Variants in TTLL7 observed in about 807,000 individuals in gnomAD.
TTLL7 encodes tubulin tyrosine ligase like 7, also known as tubulin polyglutamylase TTLL7.
A neutral mutation model predicts 120.2 loss-of-function variants in TTLL7; 53 were observed. The ratio of observed to expected loss-of-function variants is 0.44; its 90% CI spans 0.35 to 0.55. The LOEUF is 0.55. Among genes scored for constraint, TTLL7 ranks in the 20% least tolerant of loss-of-function variants. TTLL7 has a pLI of 0.00. For synonymous variants in TTLL7, 353 were observed against 351.7 expected (o/e 1.00, Z -0.04); for missense variants, 803 against 1,054.7 (o/e 0.76, Z 3.31).
intron 6 of TTLL7, among the ~76,000 whole-genome samples, 187 bp from the exon 7 acceptor site, chr1:83,942,866 G>C (rs75417963): frequency 0.024 from 3,659 of 152,242 alleles, 73 homozygotes; most frequent in African/African-American, 0.053. Flanking sequence ...CTAAGCAAAG[G>C]CTTGCAGCAA....
chr1:83,954,864 C>CAA (rs200599718), intron 1 of TTLL7, among the ~76,000 whole-genome samples: 13 of 94,532 alleles, frequency 1.4e-4, no homozygotes, highest in Non-Finnish European at 2.3e-4. Flanking sequence ...CTATCTAGTT[C>CAA]AAAAAAAAAA....
chr1:83,937,681 G>A (rs1364102982), intron 8 of TTLL7, among the ~76,000 whole-genome samples, 171 bp downstream of exon 8: 1 of 152,124 alleles, frequency 6.6e-6, no homozygotes, highest in Non-Finnish European at 1.5e-5. Flanking sequence ...AGAATGCATC[G>A]CTGTTGTTAG....
At chr1:83,998,823 C>T in intron 1 of TTLL7, 108 bp downstream of exon 1, 1 of 323,400 alleles carries the variant, frequency 3.1e-6, no homozygotes, top group South Asian at 2.2e-5. Flanking sequence ...GTCCCCAGAG[C>T]AGTGACAGTC....
chr1:83,924,093 T>G (rs1658908276), intron 10 of TTLL7, among the ~76,000 whole-genome samples: 1 of 152,152 alleles, frequency 6.6e-6, no homozygotes, highest in Non-Finnish European at 1.5e-5. Flanking sequence ...TACTCTCTAT[T>G]TGTTAATTCC....
chr1:83,885,130 G>A (rs979207399), intron 19 of TTLL7: 34 of 269,184 alleles, frequency 1.3e-4, no homozygotes, highest in Non-Finnish European at 1.8e-4. Context: ...TTTATAATTA[G>A]TATACTTTGA....
intron 1 of TTLL7, among the ~76,000 whole-genome samples, chr1:83,974,634 G>A (rs960698650): frequency 2.0e-5 from 3 of 151,914 alleles, no homozygotes; most frequent in Non-Finnish European, 2.9e-5. Flanking sequence ...TATGGCAGAC[G>A]CTATTTGTTG....
Position 83,952,291 on chromosome 1 carries a change from A to G in TTLL7, c.-80T>C. 6.8e-7 allele frequency: 1 copy of G among 1,476,854 alleles called. No individual in the cohort carries two copies. The highest frequency in any genetic ancestry group is 9.4e-7 in the Non-Finnish European group (1 of 1,064,798). 91.5% of individuals were successfully genotyped at this position (1,476,854 alleles called of 1,614,324 possible). A position where few individuals can be genotyped will look rare whatever the true frequency, so the allele number is the denominator to read the frequency against. ...AATCTGGAAATTCCACATTAGTCTAAGTAGGATATGGCCCCAAATCACTGA... is the reference window on the plus strand; with the variant it reads ...AATCTGGAAATTCCACATTAGTCTAGGTAGGATATGGCCCCAAATCACTGA... On this transcript the variant is annotated 5_prime_UTR_variant, in exon 2 of 21. Transcript: ENST00000260505.
chr1:83,934,285 A>T (rs1241700373), intron 8 of TTLL7, among the ~76,000 whole-genome samples: 4 of 152,216 alleles, frequency 2.6e-5, no homozygotes, highest in Non-Finnish European at 4.4e-5. Flanking sequence ...AACAAAGCTG[A>T]TAAATGTGGT....
At chr1:83,949,623 A>G in intron 4 of TTLL7, 1 of 415,546 alleles carries the variant, frequency 2.4e-6, no homozygotes, top group Non-Finnish European at 4.2e-6. Context: ...ACCACGCCCA[A>G]CCAGAAGAGG....
At position 83,965,989 on chromosome 1, in the gene TTLL7, A is replaced by C. The variant is rs77166088; in HGVS notation, c.-176-13602T>G. Among the ~76,000 whole-genome samples, 1,432 of 152,214 alleles carry C rather than the reference A, an allele frequency of 9.4e-3. 13 individuals carry two copies. Among genetic ancestry groups the C allele is most frequent in the Non-Finnish European group, 0.014 (962 of 67,998 alleles). On this transcript the variant is annotated intron_variant, in intron 1 of 20. Coordinates refer to ENST00000260505, the MANE Select transcript of TTLL7 (RefSeq NM_024686.6). ...TAATTAAGATTATGAATAAAGGTAA[A>C]TTCATTGTGATGATTACTGTTATGT...
rs1655730609 is a variant in TTLL7 at position 83,892,606 on chromosome 1, A to C, written c.2209-2125T>G. ...TATAAATGAACATATGAATGAACAT[A>C]TATATGAACATATATATGAACATAT... On this transcript the variant is annotated intron_variant, in intron 18 of 20. Coordinates refer to ENST00000260505, the MANE Select transcript of TTLL7 (RefSeq NM_024686.6). Among the ~76,000 whole-genome samples, 5 of 142,740 alleles carry C rather than the reference A, an allele frequency of 3.5e-5. No individual in the cohort carries two copies. The Admixed American group carries it at 3.5e-4, about 10-fold the overall frequency. 93.6% of individuals were successfully genotyped at this position (142,740 alleles called of 152,430 possible). A position where few individuals can be genotyped will look rare whatever the true frequency, so the allele number is the denominator to read the frequency against.
chr1:83,954,686 C>T (rs959348322), intron 1 of TTLL7, among the ~76,000 whole-genome samples: 3 of 152,084 alleles, frequency 2.0e-5, no homozygotes, highest in African/African-American at 7.2e-5. Context: ...CATGTGATTC[C>T]AGTGCAGCTA....
intron 13 of TTLL7, among the ~76,000 whole-genome samples, chr1:83,919,495 T>C (rs994774671): frequency 6.6e-6 from 1 of 152,162 alleles, no homozygotes; most frequent in African/African-American, 2.4e-5. Flanking sequence ...ATCACAATTC[T>C]CTACTCCATA....
intron 1 of TTLL7, among the ~76,000 whole-genome samples, chr1:83,985,536 C>A (rs1451056339): frequency 6.6e-6 from 1 of 152,146 alleles, no homozygotes; most frequent in Non-Finnish European, 1.5e-5. Flanking sequence ...TTCAATCCAA[C>A]CAAGTTGACA....
chr1:83,931,603 C>T (rs1418221081), intron 9 of TTLL7, among the ~76,000 whole-genome samples: 2 of 152,118 alleles, frequency 1.3e-5, no homozygotes, highest in Non-Finnish European at 2.9e-5. Context: ...TACACCAGGG[C>T]AAGTATTCTG....
chr1:83,975,503 A>C (rs1036529503), intron 1 of TTLL7, among the ~76,000 whole-genome samples: 5 of 151,866 alleles, frequency 3.3e-5, no homozygotes, highest in African/African-American at 1.2e-4. Flanking sequence ...CTTTGTAAAC[A>C]GATGTGTTAT....
At chr1:83,913,302 C>T (rs960909038) in intron 14 of TTLL7, among the ~76,000 whole-genome samples, 3 of 152,084 alleles carry the variant, frequency 2.0e-5, no homozygotes, top group Admixed American at 6.6e-5. Flanking sequence ...AGAATAAACA[C>T]CCACATGCCT....
At chr1:83,932,757 T>C (rs1659707255) in intron 9 of TTLL7, among the ~76,000 whole-genome samples, 1 of 152,068 alleles carries the variant, frequency 6.6e-6, no homozygotes, top group South Asian at 2.1e-4. Flanking sequence ...AAATGAAAGG[T>C]AGTGGTTGAC....
Position 83,877,871 on chromosome 1 carries a change from C to G in TTLL7, c.2543+5092G>C, listed in dbSNP as rs113606549. On this transcript the variant is annotated intron_variant, in intron 20 of 20. Coordinates refer to ENST00000260505, the MANE Select transcript of TTLL7 (RefSeq NM_024686.6). ...ATTATTTTTTTCTGTATTCTTTGGG[C>G]TTATTTAAATGTTATTTTGTTACCT... is the stretch of plus-strand genomic sequence containing the variant. 3.1e-4 allele frequency among the ~76,000 whole-genome samples: 47 copies of G among 151,438 alleles called. No individual in the cohort carries two copies. The East Asian group carries it at 8.9e-3, about 29-fold the overall frequency.
Sources: gnomAD v4.1 joint callset for allele counts (sites outside exome capture counted in the v4.1 genomes callset) on GRCh38, gnomAD v4.1.1 for gene constraint, MANE v1.5 for transcripts, NCBI Gene and HGNC (gene_info 2026-07-23, HGNC 2026-07-21) for gene names.